Variants in MAP2 observed in about 807,000 individuals in gnomAD.
MAP2 encodes the protein microtubule associated protein 2.
MAP2 carries 14 observed loss-of-function variants against 137.6 expected under a neutral mutation model. That is an observed-to-expected ratio of 0.10 (90% CI 0.07 to 0.16). The LOEUF (loss-of-function observed/expected upper bound fraction) is 0.16. MAP2 is among the 10% of genes least tolerant of loss of function. The pLI is 1.00. For synonymous variants in MAP2, 786 were observed against 782.3 expected, an observed-to-expected ratio of 1.00 and a Z score of -0.08; for missense variants, 2,088 against 2,191.5, an observed-to-expected ratio of 0.95 and a Z score of 0.94.
chr2:209,658,737 C>A (rs1421379951), intron 5 of MAP2, among the ~76,000 whole-genome samples: 1 of 152,066 alleles, frequency 6.6e-6, no homozygotes, highest in Non-Finnish European at 1.5e-5. Flanking sequence ...GAACTCCTGA[C>A]CTCAGGTGAT....
intron 5 of MAP2, among the ~76,000 whole-genome samples, chr2:209,663,364 TC>T (rs2044604745): frequency 6.6e-6 from 1 of 151,834 alleles, no homozygotes; most frequent in African/African-American, 2.4e-5. Context: ...GCATCGTGAG[TC>T]CTGGGGGAAA....
chr2:209,719,812 C>T (rs1338751573), intron 13 of MAP2, among the ~76,000 whole-genome samples: 1 of 152,106 alleles, frequency 6.6e-6, no homozygotes, highest in East Asian at 1.9e-4. Context: ...ATGTCATTAA[C>T]CTATGCTTAT....
chr2:209,438,857 AAC>A (rs1209699503), intron 1 of MAP2, among the ~76,000 whole-genome samples: 1 of 151,348 alleles, frequency 6.6e-6, no homozygotes, highest in African/African-American at 2.4e-5. Context: ...ATATATTCAA[AAC>A]ACAGACAATA....
intron 1 of MAP2, among the ~76,000 whole-genome samples, chr2:209,463,439 C>G (rs923450539): frequency 1.3e-5 from 2 of 152,096 alleles, no homozygotes; most frequent in African/African-American, 4.8e-5. Flanking sequence ...CACTAGAGGC[C>G]TGAGAATGTT....
At chr2:209,646,430 G>T (rs1426419683) in intron 4 of MAP2, among the ~76,000 whole-genome samples, 2 of 152,228 alleles carry the variant, frequency 1.3e-5, no homozygotes, top group Non-Finnish European at 2.9e-5. Flanking sequence ...TAAGTATCTA[G>T]ACACATACTC....
chr2:209,653,106 T>C, intron 4 of MAP2, 36 bp from the exon 5 acceptor site: 6 of 1,482,070 alleles, frequency 4.0e-6, no homozygotes, highest in Non-Finnish European at 5.4e-6. Flanking sequence ...TCAGAAGATT[T>C]CCCCAAAGTA....
intron 1 of MAP2, among the ~76,000 whole-genome samples, chr2:209,424,675 A>AT (rs921316165): frequency 2.0e-5 from 3 of 152,132 alleles, no homozygotes; most frequent in East Asian, 1.9e-4. Context: ...GAGGTAGGGG[A>AT]TTTTTTTGTT....
At chr2:209,583,139 G>GTCTATCTA (rs1219307163) in intron 3 of MAP2, among the ~76,000 whole-genome samples, 7 of 112,782 alleles carry the variant, frequency 6.2e-5, no homozygotes, top group African/African-American at 2.2e-4. Flanking sequence ...CTATCCATCT[G>GTCTATCTA]TCTGTCTGTC....
intron 3 of MAP2, among the ~76,000 whole-genome samples, chr2:209,589,322 G>T (rs997423249): frequency 6.6e-6 from 1 of 152,188 alleles, no homozygotes; most frequent in African/African-American, 2.4e-5. Context: ...AAGAATGCAA[G>T]TGTCCTACTC....
At chr2:209,706,073 A>G (rs1308103162) in intron 12 of MAP2, among the ~76,000 whole-genome samples, 1 of 152,202 alleles carries the variant, frequency 6.6e-6, no homozygotes, top group Non-Finnish European at 1.5e-5. Flanking sequence ...AAAAACATAC[A>G]TCTATAAAAG....
intron 2 of MAP2, among the ~76,000 whole-genome samples, chr2:209,564,721 T>A (rs181352989): frequency 1.3e-5 from 2 of 152,128 alleles, no homozygotes; most frequent in African/African-American, 4.8e-5. Flanking sequence ...ATGCAAAGAA[T>A]TAACCTTCTC....
chr2:209,526,260 A>T (rs2064030118), intron 2 of MAP2, among the ~76,000 whole-genome samples: 1 of 152,102 alleles, frequency 6.6e-6, no homozygotes, highest in Non-Finnish European at 1.5e-5. Flanking sequence ...GGAAACTAGG[A>T]GTCTAGGAAG....
intron 2 of MAP2, among the ~76,000 whole-genome samples, chr2:209,528,131 T>G (rs2064378711): frequency 7.1e-6 from 1 of 141,584 alleles, no homozygotes; most frequent in African/African-American, 2.7e-5. Context: ...ATATGCAAAT[T>G]CAAGTTTCTA....
At chr2:209,704,406 GT>G in intron 11 of MAP2, 1 of 1,533,956 alleles carries the variant, frequency 6.5e-7, no homozygotes, top group Non-Finnish European at 8.8e-7. Context: ...TTACTTTATA[GT>G]TTGGTTTATT....
At chr2:209,659,318 G>A (rs1054979869) in intron 5 of MAP2, among the ~76,000 whole-genome samples, 2 of 151,964 alleles carry the variant, frequency 1.3e-5, no homozygotes, top group African/African-American at 2.4e-5. Flanking sequence ...TTAGAAAATC[G>A]TGGTGAAATT....
At chr2:209,633,227 G>T (rs1282044104) in intron 4 of MAP2, among the ~76,000 whole-genome samples, 1 of 152,066 alleles carries the variant, frequency 6.6e-6, no homozygotes, top group Admixed American at 6.6e-5. Flanking sequence ...CCCCTTGTCT[G>T]CCTTCCAAAA....
intron 2 of MAP2, among the ~76,000 whole-genome samples, chr2:209,524,048 T>TA (rs1411288825): frequency 6.6e-6 from 1 of 152,124 alleles, no homozygotes; most frequent in Non-Finnish European, 1.5e-5. Flanking sequence ...CTTTTTTTTT[T>TA]ATTAAATGCA....
At chr2:209,527,250 T>C (rs2064205395) in intron 2 of MAP2, among the ~76,000 whole-genome samples, 1 of 152,182 alleles carries the variant, frequency 6.6e-6, no homozygotes. Flanking sequence ...CCATAGCATT[T>C]CTATATTACT....
At chr2:209,455,466 C>A (rs1266155429) in intron 1 of MAP2, among the ~76,000 whole-genome samples, 1 of 152,186 alleles carries the variant, frequency 6.6e-6, no homozygotes, top group Non-Finnish European at 1.5e-5. Flanking sequence ...GGCCTCTACT[C>A]ATGATAACCA....
Sources: allele counts gnomAD v4.1 joint callset (sites outside exome capture counted in the v4.1 genomes callset), GRCh38; gene constraint gnomAD v4.1.1; transcripts MANE v1.5; gene names NCBI Gene and HGNC (gene_info 2026-07-23, HGNC 2026-07-21).